Variants in TMCO6 observed in about 807,000 individuals in gnomAD.
The protein encoded by TMCO6 is transmembrane and coiled-coil domain-containing protein 6.
A neutral mutation model predicts 61.8 loss-of-function variants in TMCO6; 47 were observed. The ratio of observed to expected loss-of-function variants is 0.76; its 90% CI spans 0.60 to 0.97. The LOEUF is 0.97. TMCO6 is among the 50% of genes least tolerant of loss of function. The probability of loss-of-function intolerance (pLI) is 0.00; values close to 1 mark genes in which losing one functional copy is unlikely to be tolerated. For missense variants in TMCO6, 557 were observed against 601.6 expected, an observed-to-expected ratio of 0.93 and a Z score of 0.78; for synonymous variants, 261 against 254.2, an observed-to-expected ratio of 1.03 and a Z score of -0.25.
the TMCO6 span, among the ~76,000 whole-genome samples, chr5:140,616,092 A>G: frequency 1.3e-5 from 2 of 152,140 alleles, no homozygotes; most frequent in Non-Finnish European, 2.9e-5. Flanking sequence ...AGGCCATGCC[A>G]CTGCACTCCA....
intron 2 of TMCO6, 28 bp from the exon 3 acceptor site, chr5:140,641,637 G>A (rs753293925): frequency 3.7e-6 from 6 of 1,603,532 alleles, no homozygotes; most frequent in Non-Finnish European, 5.1e-6. Flanking sequence ...TGAACCGTGT[G>A]TTCTCCTTTC....
At chr5:140,637,071 T>C (rs1310383287), upstream of TMCO6, among the ~76,000 whole-genome samples, 2 of 151,910 alleles carry the variant, frequency 1.3e-5, no homozygotes, top group Non-Finnish European at 2.9e-5. Context: ...GAGAATGGTG[T>C]TGAGGGAAGG....
At chr5:140,637,011 G>A (rs1756784963), upstream of TMCO6, among the ~76,000 whole-genome samples, 1 of 152,164 alleles carries the variant, frequency 6.6e-6, no homozygotes, top group Non-Finnish European at 1.5e-5. Flanking sequence ...TGAAGAAGCT[G>A]GGTCATTGGT....
chr5:140,645,309 G>A lies in TMCO6; in HGVS notation c.*211G>A. On this transcript the variant is annotated 3_prime_UTR_variant, in exon 12 of 12. Coordinates refer to ENST00000394671, the MANE Select transcript of TMCO6 (RefSeq NM_018502.5). ...GACTCAGTGTGGTCTACTTACTCTG[G>A]GGCCCTAGAATCCCTGCCCCCCCGC... 1.4e-6 allele frequency: 1 copy of A among 719,020 alleles called. No individual in the cohort carries two copies. Among genetic ancestry groups the A allele is most frequent in the Non-Finnish European group, 2.4e-6 (1 of 413,156 alleles). 44.5% of individuals were successfully genotyped at this position (719,020 alleles called of 1,614,324 possible). A position where few individuals can be genotyped will look rare whatever the true frequency, so the allele number is the denominator to read the frequency against.
At chr5:140,624,994 C>T in the TMCO6 span, among the ~76,000 whole-genome samples, 773 of 151,820 alleles carry the variant, frequency 5.1e-3, 5 homozygotes, top group African/African-American at 0.017. Flanking sequence ...GCTGGGATTA[C>T]AGGCGCTTGG....
chr5:140,632,398 G>A, the TMCO6 span: 1 of 1,614,164 alleles, frequency 6.2e-7, no homozygotes, highest in East Asian at 2.2e-5. This position sits in a 1 kb window ranked among gnomAD's most constrained non-coding sequence, Gnocchi z 6.2. Context: ...AGGCTGGTAA[G>A]GGCCGGGAAG....
intron 4 of TMCO6, 94 bp downstream of exon 4, chr5:140,642,147 A>T (rs1757078861): frequency 6.6e-7 from 1 of 1,510,956 alleles, no homozygotes. Context: ...GGAAGAAAAC[A>T]TGTTTGCCCT....
chr5:140,631,528 C>T, the TMCO6 span, among the ~76,000 whole-genome samples: 1 of 152,166 alleles, frequency 6.6e-6, no homozygotes, highest in Non-Finnish European at 1.5e-5. Context: ...TGACTGCACA[C>T]TCATTGTTTC....
chr5:140,637,924 C>G (rs551551859), upstream of TMCO6, among the ~76,000 whole-genome samples: 1 of 151,914 alleles, frequency 6.6e-6, no homozygotes, highest in South Asian at 2.1e-4. Context: ...TTCCCCCTCC[C>G]CTCTCTTCCC....
the TMCO6 span, among the ~76,000 whole-genome samples, chr5:140,614,611 T>C: frequency 1.6e-4 from 25 of 152,078 alleles, no homozygotes; most frequent in Admixed American, 1.6e-3. Context: ...CTTTCTTTCT[T>C]TCATTCCTTT....
the TMCO6 span, among the ~76,000 whole-genome samples, chr5:140,611,795 G>A: frequency 6.6e-6 from 1 of 152,136 alleles, no homozygotes; most frequent in Non-Finnish European, 1.5e-5. Flanking sequence ...TTAACCACAA[G>A]ATCAGACCTA....
At chr5:140,644,378 C>T (rs1757257282) in intron 10 of TMCO6, among the ~76,000 whole-genome samples, 184 bp downstream of exon 10, 1 of 152,206 alleles carries the variant, frequency 6.6e-6, no homozygotes, top group Non-Finnish European at 1.5e-5. Context: ...ATCAACTAAC[C>T]ACCTTAAGCT....
chr5:140,619,711 G>A, the TMCO6 span, among the ~76,000 whole-genome samples: 1 of 151,880 alleles, frequency 6.6e-6, no homozygotes, highest in African/African-American at 2.4e-5. Flanking sequence ...ACCTAACTGG[G>A]CCAAAAGCTC....
chr5:140,628,021 T>TC, the TMCO6 span, among the ~76,000 whole-genome samples: 1 of 151,804 alleles, frequency 6.6e-6, no homozygotes, highest in South Asian at 2.1e-4. Flanking sequence ...CTTTTTTTTT[T>TC]TTTTGAGACA....
chr5:140,646,704 G>T (rs1757421615), downstream of TMCO6, among the ~76,000 whole-genome samples: 1 of 152,124 alleles, frequency 6.6e-6, no homozygotes, highest in African/African-American at 2.4e-5. Context: ...CTAGGAAGGG[G>T]AATAAATGTA....
At chr5:140,636,512 C>A (rs1756774103), upstream of TMCO6, among the ~76,000 whole-genome samples, 1 of 150,982 alleles carries the variant, frequency 6.6e-6, no homozygotes, top group African/African-American at 2.4e-5. Flanking sequence ...AAAAGTTTTT[C>A]TTGGGGAAAT....
chr5:140,619,704 T>C, the TMCO6 span, among the ~76,000 whole-genome samples: 3 of 152,156 alleles, frequency 2.0e-5, no homozygotes, highest in Admixed American at 2.0e-4. Context: ...GCCTCTAACC[T>C]AACTGGGCCA....
the TMCO6 span, among the ~76,000 whole-genome samples, chr5:140,628,739 C>T: frequency 1.3e-5 from 2 of 152,210 alleles, no homozygotes; most frequent in Non-Finnish European, 2.9e-5. Flanking sequence ...CATGCCCAGC[C>T]ATTTTATGGC....
chr5:140,632,731 T>A, the TMCO6 span: 1 of 1,613,712 alleles, frequency 6.2e-7, no homozygotes, highest in Non-Finnish European at 8.5e-7. This position sits in a 1 kb window ranked among gnomAD's most constrained non-coding sequence, Gnocchi z 6.2. Context: ...GCCTTGACCG[T>A]GTCAGCATAC....
Sources: gnomAD v4.1 joint callset for allele counts (sites outside exome capture counted in the v4.1 genomes callset) on GRCh38, gnomAD v4.1.1 for gene constraint, Gnocchi (gnomAD v3.1) non-coding constraint, MANE v1.5 for transcripts, NCBI Gene and HGNC (gene_info 2026-07-23, HGNC 2026-07-21) for gene names.